CACNA1H: variants seen among roughly 807,000 people sequenced by gnomAD.
The protein encoded by CACNA1H is voltage-dependent T-type calcium channel subunit alpha-1H.
Under a neutral mutation model 192.5 loss-of-function variants are expected in CACNA1H, and 149 were observed. The ratio of observed to expected loss-of-function variants is 0.77; its 90% CI spans 0.68 to 0.89. CACNA1H has a LOEUF of 0.89. Ranked by LOEUF, CACNA1H falls within the 40% of genes least tolerant of loss-of-function variation. The probability of loss-of-function intolerance (pLI) is 0.00; values close to 1 mark genes in which losing one functional copy is unlikely to be tolerated. For missense variants in CACNA1H, 4,257 were observed against 3,423.5 expected (o/e 1.24, Z -6.08); for synonymous variants, 2,202 against 1,475.2 (o/e 1.49, Z -11.29).
intron 2 of CACNA1H, among the ~76,000 whole-genome samples, chr16:1,172,288 G>A (rs973277416): frequency 2.0e-5 from 3 of 152,264 alleles, no homozygotes; most frequent in African/African-American, 7.2e-5. Flanking sequence ...GTGCATCACC[G>A]CAGCCTTGCC....
chr16:1,181,944 G>A (rs992109631), intron 2 of CACNA1H, among the ~76,000 whole-genome samples: 2 of 149,172 alleles, frequency 1.3e-5, no homozygotes, highest in Non-Finnish European at 3.0e-5. Flanking sequence ...TTGCACACAC[G>A]CCCCCTCGCA....
chr16:1,162,081 G>C (rs901820756), intron 2 of CACNA1H, among the ~76,000 whole-genome samples: 1 of 152,156 alleles, frequency 6.6e-6, no homozygotes, highest in African/African-American at 2.4e-5. Context: ...TCTGTGAAAT[G>C]GGCCTGCTGC....
chr16:1,212,216 C>T (rs531128359), intron 25 of CACNA1H, 78 bp downstream of exon 25: 42 of 1,497,148 alleles, frequency 2.8e-5, no homozygotes, highest in South Asian at 1.3e-4. Context: ...CCTCCACTCC[C>T]GCCCCGGCCT....
intron 5 of CACNA1H, among the ~76,000 whole-genome samples, chr16:1,198,400 G>A (rs1377716415): frequency 2.0e-5 from 3 of 152,308 alleles, no homozygotes; most frequent in South Asian, 4.1e-4. Context: ...ACCCCAGGGT[G>A]TCAGTGTCCC....
rs1194409107 is a variant in CACNA1H, at chr16:1,213,878, A to G, written c.4876A>G (p.Ile1626Val). The change falls in exon 27 of 35, where the codon ATC becomes GTC. Residue 1626 changes from isoleucine (I) to valine (V), a missense_variant. By Grantham distance (29) the Ile-to-Val change is conservative (BLOSUM62 3). Coordinates refer to ENST00000348261, the MANE Select transcript of CACNA1H (RefSeq NM_021098.3). ...SHYLDLFITFIICVNVITMSM... is the reference protein window; with the variant it reads ...SHYLDLFITFVICVNVITMSM... ...CTATCTCGACCTCTTCATCACCTTC[A>G]TCATCTGTGTCAACGTCATCACCAT... 1.9e-6 allele frequency: 3 copies of G among 1,611,556 alleles called. No individual in the cohort carries two copies. Among genetic ancestry groups the G allele is most frequent in the South Asian group, 1.1e-5 (1 of 90,592 alleles).
At chr16:1,164,103 C>T (rs1449783552) in intron 2 of CACNA1H, among the ~76,000 whole-genome samples, 1 of 152,196 alleles carries the variant, frequency 6.6e-6, no homozygotes, top group African/African-American at 2.4e-5. Context: ...GCACTTTTGC[C>T]TCTCCCAGAA....
chr16:1,204,294 G>C lies in CACNA1H; in HGVS notation c.2287G>C (p.Ala763Pro). Residue 763 changes from alanine (A) to proline (P), a missense_variant, in exon 10 of 35, where the codon GCA becomes CCA. Coordinates refer to ENST00000348261, the MANE Select transcript of CACNA1H (RefSeq NM_021098.3). ...AGGCCCAGGCAGCCCCCAGCGGCGG[G>C]CACAGCAGAGGGCAGCCCCGGGCGA... ...GPGPGSPQRR[A>P]QQRAAPGEPG... The C allele has an allele frequency of 6.2e-7, 1 of 1,604,454 alleles. No individual in the cohort carries two copies. The highest frequency in any genetic ancestry group is 8.5e-7 in the Non-Finnish European group (1 of 1,175,650).
At chr16:1,188,585 C>T (rs1187915805) in intron 2 of CACNA1H, among the ~76,000 whole-genome samples, 1 of 152,250 alleles carries the variant, frequency 6.6e-6, no homozygotes. Flanking sequence ...CTGCCCCCCA[C>T]ACAACAGTCA....
intron 7 of CACNA1H, 57 bp from the exon 8 acceptor site, chr16:1,200,659 G>A (rs917025676): frequency 5.1e-6 from 8 of 1,576,308 alleles, no homozygotes; most frequent in Admixed American, 3.5e-5. Context: ...GACCCCAGGG[G>A]CACGGGGAGG....
chr16:1,168,846 CCCT>C (rs753028255), intron 2 of CACNA1H, among the ~76,000 whole-genome samples: 26 of 144,880 alleles, frequency 1.8e-4, no homozygotes, highest in East Asian at 1.4e-3. Context: ...ATCGGGTACT[CCCT>C]CCTCCTCAGC....
chr16:1,202,676 A>G (rs1216657595), intron 9 of CACNA1H, among the ~76,000 whole-genome samples: 1 of 152,100 alleles, frequency 6.6e-6, no homozygotes, highest in African/African-American at 2.4e-5. Context: ...AGCTCATGGC[A>G]GGAGTGGTAG....
chr16:1,192,865 A>ATG (rs903234272), intron 2 of CACNA1H, among the ~76,000 whole-genome samples: 1 of 151,916 alleles, frequency 6.6e-6, no homozygotes, highest in Non-Finnish European at 1.5e-5. Flanking sequence ...TGGTAGTGGA[A>ATG]TGTGTGTGTG....
intron 2 of CACNA1H, among the ~76,000 whole-genome samples, chr16:1,163,340 C>T (rs893538184): frequency 2.0e-5 from 3 of 152,200 alleles, no homozygotes; most frequent in African/African-American, 4.8e-5. Flanking sequence ...CGCCGGGGTA[C>T]GGTGTGGAGC....
At chr16:1,182,629 G>A (rs955834372) in intron 2 of CACNA1H, among the ~76,000 whole-genome samples, 1 of 152,194 alleles carries the variant, frequency 6.6e-6, no homozygotes, top group Non-Finnish European at 1.5e-5. Flanking sequence ...GGGGAGAGGG[G>A]CTCCCACATC....
chr16:1,206,372 G>A, intron 12 of CACNA1H, 83 bp downstream of exon 12: 1 of 1,340,152 alleles, frequency 7.5e-7, no homozygotes, highest in East Asian at 2.5e-5. Flanking sequence ...CCCCCCGAAG[G>A]AGAAGGAGCC....
At chr16:1,171,637 G>T (rs987555290) in intron 2 of CACNA1H, among the ~76,000 whole-genome samples, 10 of 152,282 alleles carry the variant, frequency 6.6e-5, no homozygotes, top group African/African-American at 2.4e-4. Context: ...CTCATTTCCA[G>T]TTTGCCAAGG....
chr16:1,205,390 C>CGT, intron 11 of CACNA1H, 125 bp downstream of exon 11: 1 of 1,083,378 alleles, frequency 9.2e-7, no homozygotes, highest in Non-Finnish European at 1.3e-6. Flanking sequence ...TATGACAGGC[C>CGT]GTGGGAAGCA....
In CACNA1H at chr16:1,220,155, G is replaced by A. The variant is rs541001877; in HGVS notation, c.6223G>A (p.Gly2075Arg). The A allele has an allele frequency of 1.2e-5, 18 of 1,522,700 alleles. No individual in the cohort carries two copies. Among genetic ancestry groups the A allele is most frequent in the South Asian group, 5.2e-5 (4 of 76,752 alleles). The allele number at this position is 1,522,700 out of a possible 1,614,324, so 94.3% of individuals were successfully genotyped here. The change falls in exon 35 of 35, where the codon GGA becomes AGA. Residue 2075 changes from glycine to arginine, a missense_variant. Gly to Arg is a moderately radical substitution (Grantham distance 125). Transcript: ENST00000348261. ...CGTCCGCACTCGTAAGCATACCTTC[G>A]GACAGCGCTGCGTCTCCAGCCGGCC... The part of the protein sequence containing the change: ...ASVRTRKHTF[G>R]QRCVSSRPAA...
chr16:1,180,954 C>T lies in CACNA1H; in HGVS notation c.300-14018C>T, dbSNP rs551945513. On this transcript the variant is annotated intron_variant, in intron 2 of 34. Coordinates refer to ENST00000348261, the MANE Select transcript of CACNA1H (RefSeq NM_021098.3). This position sits in a 1 kb window ranked among gnomAD's most constrained non-coding sequence, Gnocchi z 4.4. ...GGAAAGCGCCTTGGCGGGACTGCTTCCGCCAGCTTCCCGGCCAGACCCAAG... is the reference window on the plus strand; with the variant it reads ...GGAAAGCGCCTTGGCGGGACTGCTTTCGCCAGCTTCCCGGCCAGACCCAAG... Among the ~76,000 whole-genome samples, 9 of 152,322 alleles carry T rather than the reference C, an allele frequency of 5.9e-5. No homozygotes were observed. In the South Asian group the frequency reaches 1.7e-3, roughly 28 times the overall value.
Sources: gnomAD v4.1 joint callset for allele counts (sites outside exome capture counted in the v4.1 genomes callset) on GRCh38, gnomAD v4.1.1 for gene constraint, Gnocchi (gnomAD v3.1) non-coding constraint, MANE v1.5 for transcripts, NCBI Gene and HGNC (gene_info 2026-07-23, HGNC 2026-07-21) for gene names.